The following KPNA6 variants were observed in gnomAD, a reference collection of about 807,000 sequenced individuals.
KPNA6 encodes karyopherin subunit alpha 6, also known as importin subunit alpha-7.
KPNA6 carries 9 observed loss-of-function variants against 72.0 expected under a neutral mutation model. That is an observed-to-expected ratio of 0.13 (90% CI 0.08 to 0.22). KPNA6 has a LOEUF of 0.22. KPNA6 is among the 10% of genes least tolerant of loss of function. KPNA6 has a pLI of 1.00. For missense variants in KPNA6, 374 were observed against 655.7 expected (o/e 0.57, Z 4.69); for synonymous variants, 219 against 242.1 (o/e 0.90, Z 0.89).
intron 12 of KPNA6, among the ~76,000 whole-genome samples, chr1:32,167,519 A>T (rs1011040134): frequency 5.8e-4 from 89 of 152,140 alleles, no homozygotes; most frequent in African/African-American, 2.0e-3. Context: ...ACACTATAAC[A>T]GTTTACCAGT....
intron 1 of KPNA6, among the ~76,000 whole-genome samples, chr1:32,118,997 CATATATATAT>C (rs71578197): frequency 7.5e-4 from 45 of 59,804 alleles, no homozygotes; most frequent in East Asian, 1.6e-3. Context: ...TGTGTGTATA[CATATATATAT>C]ATATATATAT....
At chr1:32,159,881 G>T (rs568006053) in intron 6 of KPNA6, among the ~76,000 whole-genome samples, 1 of 152,304 alleles carries the variant, frequency 6.6e-6, no homozygotes, top group South Asian at 2.1e-4. Context: ...ACCCATATCT[G>T]AGTACCCACA....
chr1:32,146,732 C>T (rs1427958365), intron 1 of KPNA6, among the ~76,000 whole-genome samples: 2 of 152,146 alleles, frequency 1.3e-5, no homozygotes, highest in Admixed American at 6.5e-5. Flanking sequence ...AGTTACAAAC[C>T]GATGTATAGT....
chr1:32,122,315 G>C (rs1641447240), intron 1 of KPNA6, among the ~76,000 whole-genome samples: 1 of 148,310 alleles, frequency 6.7e-6, no homozygotes, highest in Non-Finnish European at 1.5e-5. Context: ...AAAGCCAAGA[G>C]AAAGAGAGTA....
rs745927475 is a variant in KPNA6 at position 32,169,886 on chromosome 1, C to T, written c.1249C>T (p.Leu417=). Residue 417 remains leucine (L), a synonymous_variant, in exon 13 of 14, where the codon CTG becomes TTG. Coordinates refer to ENST00000373625, the MANE Select transcript of KPNA6 (RefSeq NM_012316.5). Reference sequence around the variant, plus strand: ...TGCCTGGTCTCTGGCCCCTAGGTACCTGGTCTCACTGGGCTGCATCAAACC... The same window carrying T: ...TGCCTGGTCTCTGGCCCCTAGGTACTTGGTCTCACTGGGCTGCATCAAACC... ...SGGTPEQIRY[L]VSLGCIKPLC... 1 of 1,613,676 alleles carries T rather than the reference C, an allele frequency of 6.2e-7. No homozygotes were observed. The highest frequency in any genetic ancestry group is 2.2e-5 in the East Asian group (1 of 44,868).
intron 10 of KPNA6, among the ~76,000 whole-genome samples, chr1:32,164,104 G>A (rs193096017): frequency 1.3e-5 from 2 of 152,048 alleles, no homozygotes; most frequent in Non-Finnish European, 1.5e-5. Context: ...TCTATTTTCT[G>A]TATCTGTGAG....
chr1:32,171,010 C>T lies in KPNA6; in HGVS notation c.*116C>T, dbSNP rs1253410959. The T allele has an allele frequency of 2.3e-6, 2 of 878,168 alleles. No individual in the cohort carries two copies. Among genetic ancestry groups the T allele is most frequent in the Non-Finnish European group, 3.6e-6 (2 of 561,714 alleles). The allele number at this position is 878,168 out of a possible 1,614,324, so 54.4% of individuals were successfully genotyped here. ...ATCAGCCACCACACACCTCTGCTGC[C>T]CTGGAGACTGTGCTCTTGACCTGCT... On this transcript the variant is annotated 3_prime_UTR_variant, in exon 14 of 14. Transcript: ENST00000373625.
intron 4 of KPNA6, 97 bp downstream of exon 4, chr1:32,157,542 C>A: frequency 1.2e-6 from 1 of 825,660 alleles, no homozygotes; most frequent in Non-Finnish European, 2.0e-6. Flanking sequence ...ACTCATTCTG[C>A]TCTAGCCCTA....
chr1:32,131,527 G>A (rs1557464241), intron 1 of KPNA6, among the ~76,000 whole-genome samples: 2 of 151,264 alleles, frequency 1.3e-5, no homozygotes, highest in African/African-American at 2.5e-5. Context: ...AATTTAAAAA[G>A]ACACTGAAAA....
intron 1 of KPNA6, among the ~76,000 whole-genome samples, chr1:32,128,387 TTATATATATATA>T (rs67312157): frequency 0.03 from 2,162 of 72,174 alleles, 61 homozygotes; most frequent in African/African-American, 0.051. Flanking sequence ...ATATATGTAT[TTATATATATATA>T]TATATATATA....
intron 12 of KPNA6, among the ~76,000 whole-genome samples, chr1:32,169,681 C>A (rs147639421): frequency 4.0e-5 from 6 of 149,678 alleles, no homozygotes; most frequent in South Asian, 2.1e-4. Context: ...AGGATGGTCG[C>A]GATCTCTTGA....
At chr1:32,165,564 C>T (rs1162738475) in intron 10 of KPNA6, among the ~76,000 whole-genome samples, 1 of 152,000 alleles carries the variant, frequency 6.6e-6, no homozygotes, top group Non-Finnish European at 1.5e-5. Flanking sequence ...AGTGCGGTGG[C>T]ACCCTGCTAC....
At chr1:32,160,579 G>A (rs1386971191) in intron 6 of KPNA6, 36 bp from the exon 7 acceptor site, 1 of 1,556,256 alleles carries the variant, frequency 6.4e-7, no homozygotes, top group Non-Finnish European at 8.9e-7. Context: ...GGAGTACCAA[G>A]CTTTGTGGGT....
intron 2 of KPNA6, among the ~76,000 whole-genome samples, chr1:32,155,991 A>C (rs1388542033): frequency 7.3e-6 from 1 of 136,756 alleles, no homozygotes; most frequent in Non-Finnish European, 1.5e-5. Context: ...TCCTGAGCTG[A>C]AGTGATCCAC....
At chr1:32,129,959 C>G (rs985300393) in intron 1 of KPNA6, among the ~76,000 whole-genome samples, 1 of 149,956 alleles carries the variant, frequency 6.7e-6, no homozygotes. Context: ...GAAACATTGG[C>G]TGTCATGGAA....
intron 1 of KPNA6, among the ~76,000 whole-genome samples, chr1:32,133,686 A>G (rs1484207620): frequency 6.6e-6 from 1 of 152,078 alleles, no homozygotes; most frequent in Non-Finnish European, 1.5e-5. Flanking sequence ...CCTGTCTCAA[A>G]AACAAAACAA....
At chr1:32,145,993 C>T (rs1641922888) in intron 1 of KPNA6, among the ~76,000 whole-genome samples, 1 of 152,056 alleles carries the variant, frequency 6.6e-6, no homozygotes, top group Non-Finnish European at 1.5e-5. Context: ...CTTCAGTCTT[C>T]CAAAATTTAT....
chr1:32,166,894 C>T (rs909743681), intron 11 of KPNA6, among the ~76,000 whole-genome samples: 11 of 152,002 alleles, frequency 7.2e-5, no homozygotes, highest in African/African-American at 2.7e-4. Context: ...GCCGAGATCG[C>T]GCCACTGCAC....
At chr1:32,142,535 C>T (rs918103229) in intron 1 of KPNA6, among the ~76,000 whole-genome samples, 2 of 151,978 alleles carry the variant, frequency 1.3e-5, no homozygotes, top group African/African-American at 4.8e-5. Flanking sequence ...CATTTTAAGG[C>T]CCCTACCTAT....
Sources: allele counts gnomAD v4.1 joint callset (sites outside exome capture counted in the v4.1 genomes callset), GRCh38; gene constraint gnomAD v4.1.1; transcripts MANE v1.5; gene names NCBI Gene and HGNC (gene_info 2026-07-23, HGNC 2026-07-21).